Variants in ZFHX3 observed in about 807,000 individuals in gnomAD.
The protein encoded by ZFHX3 is zinc finger homeobox protein 3.
ZFHX3 carries 42 observed loss-of-function variants against 279.1 expected under a neutral mutation model. The observed-to-expected ratio is 0.15, with a 90% CI of 0.12 to 0.19. ZFHX3 has a LOEUF of 0.19. ZFHX3 is among the 10% of genes least tolerant of loss of function. ZFHX3 has a pLI of 1.00. For missense variants in ZFHX3, 4,981 were observed against 4,754.0 expected (o/e 1.05, Z -1.40); for synonymous variants, 2,293 against 1,957.8 (o/e 1.17, Z -4.52).
chr16:73,302,726 T>A (rs903925196), intron 4 of ZFHX3, among the ~76,000 whole-genome samples: 2 of 152,198 alleles, frequency 1.3e-5, no homozygotes, highest in Non-Finnish European at 2.9e-5. Flanking sequence ...CTTGGAGGAA[T>A]GACTGTCAAG....
intron 1 of ZFHX3, among the ~76,000 whole-genome samples, chr16:73,841,917 G>A (rs1418409301): frequency 6.6e-6 from 1 of 151,782 alleles, no homozygotes; most frequent in Non-Finnish European, 1.5e-5. Context: ...TACTTTATAT[G>A]AAAAACAATG....
chr16:73,861,656 T>A (rs1961884159), intron 1 of ZFHX3, among the ~76,000 whole-genome samples: 1 of 152,184 alleles, frequency 6.6e-6, no homozygotes, highest in Non-Finnish European at 1.5e-5. Context: ...TTGGGGTAAA[T>A]CTGAATTGCC....
chr16:73,289,189 G>A (rs1357883873), intron 4 of ZFHX3, among the ~76,000 whole-genome samples: 2 of 151,652 alleles, frequency 1.3e-5, no homozygotes, highest in African/African-American at 2.4e-5. Context: ...TTTAAAAACC[G>A]TGTGGCTGGG....
chr16:73,730,976 A>G (rs571813653), intron 1 of ZFHX3, among the ~76,000 whole-genome samples: 1 of 152,310 alleles, frequency 6.6e-6, no homozygotes, highest in African/African-American at 2.4e-5. Context: ...GGAAGAGTGA[A>G]GACTTGAAAA....
intron 4 of ZFHX3, among the ~76,000 whole-genome samples, chr16:72,855,300 C>A (rs1198124203): frequency 6.6e-6 from 1 of 152,194 alleles, no homozygotes; most frequent in African/African-American, 2.4e-5. Flanking sequence ...CATCAGGATC[C>A]CCCAACGCTG....
At chr16:73,646,208 T>C (rs1325766690) in intron 2 of ZFHX3, among the ~76,000 whole-genome samples, 3 of 152,168 alleles carry the variant, frequency 2.0e-5, no homozygotes, top group South Asian at 2.1e-4. Context: ...CATGAGGTGA[T>C]AGATTAAAGA....
At chr16:72,790,172 C>G (rs918863416) in intron 9 of ZFHX3, 9 of 152,566 alleles carry the variant, frequency 5.9e-5, no homozygotes, top group Admixed American at 5.2e-4. Context: ...GTACTCCAAG[C>G]TTCAGGTGTG....
intron 4 of ZFHX3, among the ~76,000 whole-genome samples, chr16:72,873,511 T>C (rs1421714350): frequency 1.3e-5 from 2 of 152,256 alleles, no homozygotes; most frequent in Admixed American, 1.3e-4. Context: ...CTACTCGTCA[T>C]CATTCCATTA....
chr16:73,054,187 CCAGA>C (rs1275025028), intron 1 of ZFHX3, among the ~76,000 whole-genome samples: 7 of 152,266 alleles, frequency 4.6e-5, no homozygotes, highest in East Asian at 1.9e-4. Context: ...TAATACAAGG[CCAGA>C]CAGTGTTGTC....
intron 1 of ZFHX3, among the ~76,000 whole-genome samples, chr16:73,824,403 T>G (rs1241269452): frequency 6.7e-6 from 1 of 150,322 alleles, no homozygotes; most frequent in Non-Finnish European, 1.5e-5. Flanking sequence ...TTTTAATGTT[T>G]TTTTTTTTTT....
At chr16:72,938,733 G>A (rs557924627) in intron 3 of ZFHX3, among the ~76,000 whole-genome samples, 73 of 152,324 alleles carry the variant, frequency 4.8e-4, no homozygotes, top group African/African-American at 1.7e-3. Context: ...GAAGAGAGCC[G>A]AGTATGGATT....
chr16:72,786,584 CAA>C lies in ZFHX3; in HGVS notation c.*578_*579del, dbSNP rs758141494. 2.1e-4 allele frequency: 14 copies of C among 66,460 alleles called. No individual in the cohort carries two copies. The highest frequency in any genetic ancestry group is 9.7e-4 in the South Asian group (2 of 2,072). 4.1% of individuals were successfully genotyped at this position (66,460 alleles called of 1,614,324 possible). On this transcript the variant is annotated 3_prime_UTR_variant, in exon 10 of 10. Transcript: ENST00000268489. Reference sequence around the variant, plus strand: ...ACAAAACAAAAAATCTTTTCTGGAACAAAAAAAAAAAAAAAAACTGAAAAAAC... The same window carrying C: ...ACAAAACAAAAAATCTTTTCTGGAACAAAAAAAAAAAAAAACTGAAAAAAC...
intron 2 of ZFHX3, among the ~76,000 whole-genome samples, chr16:73,647,821 C>T (rs1008842128): frequency 6.6e-6 from 1 of 151,890 alleles, no homozygotes; most frequent in South Asian, 2.1e-4. Flanking sequence ...TATACACATA[C>T]CTAAATGTCA....
intron 5 of ZFHX3, among the ~76,000 whole-genome samples, chr16:73,239,619 C>G (rs936854042): frequency 6.6e-6 from 1 of 152,128 alleles, no homozygotes; most frequent in Non-Finnish European, 1.5e-5. Context: ...CTTCCAGCAG[C>G]GGTAGATTCT....
intron 3 of ZFHX3, among the ~76,000 whole-genome samples, chr16:73,419,568 G>C (rs2017673934): frequency 6.6e-6 from 1 of 151,938 alleles, no homozygotes; most frequent in African/African-American, 2.4e-5. Context: ...TTAAAAATGT[G>C]GTTCCCTCAG....
chr16:72,944,488 C>A (rs1960565869), intron 3 of ZFHX3, among the ~76,000 whole-genome samples: 2 of 152,146 alleles, frequency 1.3e-5, no homozygotes, highest in South Asian at 4.1e-4. Context: ...AAGACATCCA[C>A]TTTAAAAATC....
intron 1 of ZFHX3, among the ~76,000 whole-genome samples, chr16:72,982,966 G>A (rs982504671): frequency 3.3e-5 from 5 of 152,212 alleles, no homozygotes; most frequent in African/African-American, 9.6e-5. Context: ...GGACCAGTGG[G>A]GGTAACGTAA....
At chr16:73,205,927 C>T (rs2011780419) in intron 5 of ZFHX3, among the ~76,000 whole-genome samples, 1 of 152,168 alleles carries the variant, frequency 6.6e-6, no homozygotes, top group South Asian at 2.1e-4. Context: ...GCAAATGATG[C>T]AGACAGTTAT....
intron 5 of ZFHX3, among the ~76,000 whole-genome samples, chr16:73,253,417 G>C (rs954279209): frequency 6.6e-6 from 1 of 151,516 alleles, no homozygotes; most frequent in African/African-American, 2.4e-5. Flanking sequence ...CACAAATGGT[G>C]CATCAGTTGG....
Sources: gnomAD v4.1 joint callset for allele counts (sites outside exome capture counted in the v4.1 genomes callset) on GRCh38, gnomAD v4.1.1 for gene constraint, MANE v1.5 for transcripts, NCBI Gene and HGNC (gene_info 2026-07-23, HGNC 2026-07-21) for gene names.